HMGCLL1: variants seen among roughly 807,000 people sequenced by gnomAD.
HMGCLL1 encodes the protein 3-hydroxy-3-methylglutaryl-CoA lyase like 1.
In HMGCLL1, 36 loss-of-function variants were observed where a neutral mutation model predicts 39.1. That is an observed-to-expected ratio of 0.92 (90% CI 0.71 to 1.22). The LOEUF (loss-of-function observed/expected upper bound fraction) is 1.22, where lower values mean the gene tolerates loss of function less well. Ranked by LOEUF, HMGCLL1 falls within the 50% of genes most tolerant of loss-of-function variation. The pLI, the probability that HMGCLL1 is intolerant of heterozygous loss-of-function variation, is 0.00. For missense variants in HMGCLL1, 451 were observed against 416.5 expected, an observed-to-expected ratio of 1.08 and a Z score of -0.72; for synonymous variants, 149 against 144.0, an observed-to-expected ratio of 1.03 and a Z score of -0.25.
the HMGCLL1 span, among the ~76,000 whole-genome samples, chr6:55,628,166 G>T: frequency 3.0e-4 from 16 of 53,524 alleles, 3 homozygotes; most frequent in East Asian, 2.7e-3. Flanking sequence ...TATATATATA[G>T]TATATATACT....
chr6:55,533,898 A>AAAAAAAAAG (rs1465856659), intron 3 of HMGCLL1, among the ~76,000 whole-genome samples: 3 of 148,890 alleles, frequency 2.0e-5, no homozygotes, highest in Non-Finnish European at 4.5e-5. Context: ...AAAAAAAAAA[A>AAAAAAAAAG]AAGAAGTTAC....
At chr6:55,439,602 C>A in intron 7 of HMGCLL1, 43 bp from the exon 8 acceptor site, 1 of 1,587,094 alleles carries the variant, frequency 6.3e-7, no homozygotes, top group Non-Finnish European at 8.6e-7. Flanking sequence ...GTGTTTATGG[C>A]ATGTAAATTG....
intron 3 of HMGCLL1, among the ~76,000 whole-genome samples, chr6:55,528,403 A>G (rs1464145848): frequency 1.3e-5 from 2 of 152,048 alleles, no homozygotes; most frequent in Non-Finnish European, 2.9e-5. Flanking sequence ...ATGAGAAAAA[A>G]TGAGACTAGA....
chr6:55,636,906 G>T, the HMGCLL1 span, among the ~76,000 whole-genome samples: 2 of 152,088 alleles, frequency 1.3e-5, no homozygotes, highest in African/African-American at 2.4e-5. Flanking sequence ...GGTACAAAGG[G>T]CTTCCTGCAG....
chr6:55,628,716 T>C, the HMGCLL1 span, among the ~76,000 whole-genome samples: 785 of 152,092 alleles, frequency 5.2e-3, 8 homozygotes, highest in African/African-American at 0.018. Context: ...AGGAACCCAG[T>C]GGGAGGTAAT....
At chr6:55,463,733 G>A (rs1363040329) in intron 7 of HMGCLL1, among the ~76,000 whole-genome samples, 2 of 152,140 alleles carry the variant, frequency 1.3e-5, no homozygotes, top group Non-Finnish European at 2.9e-5. Context: ...GAAAGAAAGT[G>A]AGCTTTGTTT....
At chr6:55,493,444 T>C (rs1766412278) in intron 7 of HMGCLL1, among the ~76,000 whole-genome samples, 1 of 152,170 alleles carries the variant, frequency 6.6e-6, no homozygotes, top group Non-Finnish European at 1.5e-5. Flanking sequence ...CTGTCCCCTG[T>C]ATGGCTGCTA....
the HMGCLL1 span, among the ~76,000 whole-genome samples, chr6:55,600,996 T>C: frequency 1.3e-5 from 2 of 152,200 alleles, no homozygotes; most frequent in African/African-American, 4.8e-5. Flanking sequence ...TAAATACTTA[T>C]AATTTATTTC....
intron 7 of HMGCLL1, among the ~76,000 whole-genome samples, chr6:55,453,079 G>A (rs1764172191): frequency 6.6e-6 from 1 of 152,154 alleles, no homozygotes; most frequent in African/African-American, 2.4e-5. Context: ...GATGTGGGAA[G>A]AGGTATTCTA....
At chr6:55,564,557 G>A (rs1771121119) in intron 1 of HMGCLL1, among the ~76,000 whole-genome samples, 1 of 152,022 alleles carries the variant, frequency 6.6e-6, no homozygotes, top group African/African-American at 2.4e-5. Context: ...TAAATATTCA[G>A]TGGTTTGAAG....
chr6:55,537,766 C>T (rs1259338872), intron 3 of HMGCLL1, among the ~76,000 whole-genome samples: 1 of 152,182 alleles, frequency 6.6e-6, no homozygotes, highest in Non-Finnish European at 1.5e-5. Context: ...GACACAATTT[C>T]GGAAGCACTT....
intron 3 of HMGCLL1, among the ~76,000 whole-genome samples, chr6:55,521,062 G>A (rs62405369): frequency 0.57 from 87,328 of 151,958 alleles, 25,434 homozygotes; most frequent in Admixed American, 0.65. Flanking sequence ...TTATCATGAC[G>A]TAATTAAACT....
the HMGCLL1 span, among the ~76,000 whole-genome samples, chr6:55,605,033 G>C: frequency 6.6e-6 from 1 of 152,192 alleles, no homozygotes; most frequent in African/African-American, 2.4e-5. Context: ...GAGATCTGCT[G>C]TTCAGATTCC....
At chr6:55,667,841 G>A in the HMGCLL1 span, among the ~76,000 whole-genome samples, 50,805 of 151,440 alleles carry the variant, frequency 0.34, 8,746 homozygotes, top group East Asian at 0.41. Flanking sequence ...ATCACATATT[G>A]TTAGTAAATA....
intron 7 of HMGCLL1, among the ~76,000 whole-genome samples, chr6:55,447,117 A>C (rs547312555): frequency 2.7e-4 from 41 of 152,098 alleles, no homozygotes; most frequent in Non-Finnish European, 5.9e-4. Context: ...TTACCCATAC[A>C]TGAAGTATTA....
chr6:55,614,536 A>T, the HMGCLL1 span, among the ~76,000 whole-genome samples: 1 of 152,180 alleles, frequency 6.6e-6, no homozygotes, highest in Non-Finnish European at 1.5e-5. Context: ...CCGAAATTAT[A>T]TATTTTCATA....
the HMGCLL1 span, among the ~76,000 whole-genome samples, chr6:55,603,332 A>T: frequency 6.6e-6 from 1 of 152,010 alleles, no homozygotes; most frequent in African/African-American, 2.4e-5. Context: ...ACTCTTTTGA[A>T]CTTCTATATT....
the HMGCLL1 span, among the ~76,000 whole-genome samples, chr6:55,624,315 A>G: frequency 5.3e-5 from 8 of 152,270 alleles, no homozygotes; most frequent in Admixed American, 3.9e-4. Flanking sequence ...GGTGACTCCA[A>G]TTGCAGCTGC....
rs368235647 is a variant in HMGCLL1, at chr6:55,542,149, C to T, written c.109-9G>A. On this transcript the variant is annotated splice_polypyrimidine_tract_variant and intron_variant, in intron 1 of 8. Coordinates refer to ENST00000274901, the MANE Select transcript of HMGCLL1 (RefSeq NM_001042406.2). ...GATAACTGGGATGTTTCCTGAAATG[C>T]AAAATGTAAGAACAAGATAACGTAA... 1.9e-6 allele frequency: 3 copies of T among 1,578,010 alleles called. No homozygotes were observed. In the African/African-American group the frequency reaches 4.1e-5, roughly 21 times the overall value.
Sources: gnomAD v4.1 joint callset for allele counts (sites outside exome capture counted in the v4.1 genomes callset) on GRCh38, gnomAD v4.1.1 for gene constraint, MANE v1.5 for transcripts, NCBI Gene and HGNC (gene_info 2026-07-23, HGNC 2026-07-21) for gene names.